Variants in PKHD1L1 observed in about 807,000 individuals in gnomAD.
The protein encoded by PKHD1L1 is fibrocystin-L.
PKHD1L1 carries 434 observed loss-of-function variants against 462.9 expected under a neutral mutation model. The ratio of observed to expected loss-of-function variants is 0.94; its 90% CI spans 0.87 to 1.02. The LOEUF (loss-of-function observed/expected upper bound fraction) is 1.02. PKHD1L1 is among the 50% of genes least tolerant of loss of function. The pLI, the probability that PKHD1L1 is intolerant of heterozygous loss-of-function variation, is 0.00. For synonymous variants in PKHD1L1, 1,781 were observed against 1,750.0 expected, an observed-to-expected ratio of 1.02 and a Z score of -0.44; for missense variants, 5,202 against 5,096.1, an observed-to-expected ratio of 1.02 and a Z score of -0.63.
At chr8:109,529,902 C>A (rs939078324) in intron 77 of PKHD1L1, among the ~76,000 whole-genome samples, 178 bp from the exon 78 acceptor site, 3 of 152,008 alleles carry the variant, frequency 2.0e-5, no homozygotes, top group Non-Finnish European at 4.4e-5. Flanking sequence ...ATAAGCACCA[C>A]AATCTATAAG....
At chr8:109,377,150 A>T (rs201157961) in intron 2 of PKHD1L1, among the ~76,000 whole-genome samples, 2 of 152,232 alleles carry the variant, frequency 1.3e-5, no homozygotes, top group East Asian at 3.8e-4. Context: ...TTCAAGTATT[A>T]TTTAAGGTGA....
At chr8:109,409,154 T>G (rs1813709365) in intron 18 of PKHD1L1, among the ~76,000 whole-genome samples, 1 of 152,208 alleles carries the variant, frequency 6.6e-6, no homozygotes, top group African/African-American at 2.4e-5. Context: ...ATATGGAAAT[T>G]TTAGGAGACT....
At chr8:109,376,453 G>A (rs898146950) in intron 2 of PKHD1L1, among the ~76,000 whole-genome samples, 6 of 152,180 alleles carry the variant, frequency 3.9e-5, no homozygotes. Flanking sequence ...CTTCCCGGGT[G>A]AGGTGATGCC....
intron 76 of PKHD1L1, 86 bp downstream of exon 76, chr8:109,523,472 A>T (rs1418467476): frequency 7.7e-7 from 1 of 1,297,890 alleles, no homozygotes; most frequent in Non-Finnish European, 1.0e-6. Context: ...GCATTCTGTA[A>T]CACTCTGGTC....
Position 109,381,377 on chromosome 8 carries a change from T to G in PKHD1L1, c.171T>G (p.Ser57=). The G allele has an allele frequency of 1.9e-6, 3 of 1,568,974 alleles. No homozygotes were observed. The highest frequency in any genetic ancestry group is 2.6e-6 in the Non-Finnish European group (3 of 1,155,342). Residue 57 remains serine, a synonymous_variant, in exon 3 of 78, where the codon TCT becomes TCG. Coordinates refer to ENST00000378402, the MANE Select transcript of PKHD1L1 (RefSeq NM_177531.6). Reference sequence around the variant, plus strand: ...GTCTTCTTACTTTTCCAGGTTTTTCTCAAGCAAACCAGTTTAACTATGGAG... The same window carrying G: ...GTCTTCTTACTTTTCCAGGTTTTTCGCAAGCAAACCAGTTTAACTATGGAG... ...TRLTIRGEGF[S]QANQFNYGVD...
chr8:109,496,934 T>C lies in PKHD1L1; in HGVS notation c.10343T>C (p.Val3448Ala), dbSNP rs1405947964. 6.2e-7 allele frequency: 1 copy of C among 1,613,148 alleles called. No homozygotes were observed. Among genetic ancestry groups the C allele is most frequent in the Non-Finnish European group, 8.5e-7 (1 of 1,179,454 alleles). The change falls in exon 64 of 78, where the codon GTG becomes GCG. Residue 3448 changes from valine to alanine, a missense_variant. Coordinates refer to ENST00000378402, the MANE Select transcript of PKHD1L1 (RefSeq NM_177531.6). Reference sequence around the variant, plus strand: ...TCCCTCCAAGGCCAGTTTAATCCTGTGGAAAAGTGGTTTGACAATGAAGCC... The same window carrying C: ...TCCCTCCAAGGCCAGTTTAATCCTGCGGAAAAGTGGTTTGACAATGAAGCC... ...GEPCPGQFNP[V>A]EKWFDNEAHG...
intron 29 of PKHD1L1, 122 bp downstream of exon 29, chr8:109,435,476 G>T: frequency 8.3e-6 from 9 of 1,088,550 alleles, no homozygotes; most frequent in Non-Finnish European, 1.0e-5. Context: ...ACAAAGGAAA[G>T]TCTCCTTCGA....
At chr8:109,471,018 C>T in intron 50 of PKHD1L1, 2 of 1,609,426 alleles carry the variant, frequency 1.2e-6, no homozygotes, top group Non-Finnish European at 1.7e-6. Context: ...GTTGGGTCAC[C>T]ACTTAAGTCA....
rs760231676 is a variant in PKHD1L1, at chr8:109,436,473, T to C, written c.3627+14T>C. ...AGGACACCAAAAGTAAGGCCTCTGA[T>C]TTCAGTCACTTTTTCCTCCTAAGTC... On this transcript the variant is annotated intron_variant, in intron 30 of 77. Transcript: ENST00000378402. 12 of 1,610,552 alleles carry C rather than the reference T, an allele frequency of 7.5e-6. No homozygotes were observed. The East Asian group carries it at 2.7e-4, about 36-fold the overall frequency.
At chr8:109,480,754 T>C (rs1586597783) in intron 55 of PKHD1L1, 1 of 300,738 alleles carries the variant, frequency 3.3e-6, no homozygotes, top group East Asian at 8.1e-5. Context: ...ATTATTATTA[T>C]TTCTTTGAGA....
intron 71 of PKHD1L1, among the ~76,000 whole-genome samples, chr8:109,511,796 T>A (rs1820001149): frequency 6.6e-6 from 1 of 152,158 alleles, no homozygotes; most frequent in African/African-American, 2.4e-5. Context: ...GTTGAACTAG[T>A]TTACAGTCCC....
In PKHD1L1 at chr8:109,401,511, T is replaced by A. The variant is rs1309487724; in HGVS notation, c.1296T>A (p.Tyr432Ter). 1 of 1,577,544 alleles carries A rather than the reference T, an allele frequency of 6.3e-7. No individual in the cohort carries two copies. The highest frequency in any genetic ancestry group is 8.7e-7 in the Non-Finnish European group (1 of 1,148,624). ...GLPEDKVRIA[Y>*]HSANANSYFS... ...TCTCGGATTAGGTGAGGATTGCATA[T>A]CATTCTGCTAATGCCAACAGTTATT... Residue 432 changes from tyrosine (Y) to a stop codon, truncating the protein, a stop_gained, in exon 14 of 78, where the codon TAT (tyrosine) becomes TAA (stop). Transcript: ENST00000378402. LOFTEE classifies it high-confidence loss of function.
chr8:109,380,151 T>C (rs546827681), intron 2 of PKHD1L1, among the ~76,000 whole-genome samples: 3 of 152,086 alleles, frequency 2.0e-5, no homozygotes, highest in Middle Eastern at 6.8e-3. Flanking sequence ...TATAGAGTAG[T>C]ATAGCCTGTA....
chr8:109,533,750 A>C lies in PKHD1L1; in HGVS notation c.*3660A>C, dbSNP rs1250875729. 6.6e-6 allele frequency among the ~76,000 whole-genome samples: 1 copy of C among 152,212 alleles called. No homozygotes were observed. Among genetic ancestry groups the C allele is most frequent in the African/African-American group, 2.4e-5 (1 of 41,460 alleles). ...TTATTGCTCCATAACTTGTGTTAGAAAATCTCCTTACTAAAAATCTACAGA... is the reference window on the plus strand; with the variant it reads ...TTATTGCTCCATAACTTGTGTTAGACAATCTCCTTACTAAAAATCTACAGA... On this transcript the variant is annotated 3_prime_UTR_variant, in exon 78 of 78. Coordinates refer to ENST00000378402, the MANE Select transcript of PKHD1L1 (RefSeq NM_177531.6).
chr8:109,405,656 G>A (rs1813497362), intron 16 of PKHD1L1, among the ~76,000 whole-genome samples: 1 of 151,860 alleles, frequency 6.6e-6, no homozygotes, highest in South Asian at 2.1e-4. Flanking sequence ...ATGGACACAG[G>A]GAGGGGAACA....
At chr8:109,439,126 A>G (rs1172198270) in intron 32 of PKHD1L1, 34 bp downstream of exon 32, 4 of 1,574,962 alleles carry the variant, frequency 2.5e-6, no homozygotes, top group Non-Finnish European at 3.5e-6. Flanking sequence ...ATGGAGTTGT[A>G]GAACACATGG....
At chr8:109,395,241 G>T (rs1370484228) in intron 10 of PKHD1L1, among the ~76,000 whole-genome samples, 3 of 152,200 alleles carry the variant, frequency 2.0e-5, no homozygotes, top group African/African-American at 7.2e-5. Flanking sequence ...TGGTTCAAAA[G>T]AATCCTCAAG....
intron 30 of PKHD1L1, among the ~76,000 whole-genome samples, chr8:109,437,920 A>C (rs1369005916): frequency 3.3e-5 from 5 of 152,144 alleles, no homozygotes; most frequent in Non-Finnish European, 7.4e-5. Context: ...GAGGTCTTCA[A>C]AAGATATAAT....
chr8:109,421,002 A>G (rs1164636913), intron 23 of PKHD1L1, among the ~76,000 whole-genome samples: 2 of 152,124 alleles, frequency 1.3e-5, no homozygotes, highest in Non-Finnish European at 2.9e-5. Flanking sequence ...TATTATTGAG[A>G]GAAAAATTGA....
Sources: allele counts gnomAD v4.1 joint callset (sites outside exome capture counted in the v4.1 genomes callset), GRCh38; gene constraint gnomAD v4.1.1; transcripts MANE v1.5; gene names NCBI Gene and HGNC (gene_info 2026-07-23, HGNC 2026-07-21).